The following RASSF8 variants were observed in gnomAD, a reference collection of about 807,000 sequenced individuals.
RASSF8 encodes the protein Ras association domain family member 8.
In RASSF8, 22 loss-of-function variants were observed where a neutral mutation model predicts 48.5. That is an observed-to-expected ratio of 0.45 (90% CI 0.32 to 0.65). The LOEUF (loss-of-function observed/expected upper bound fraction) is 0.65. Among genes scored for constraint, RASSF8 ranks in the 30% least tolerant of loss-of-function variants. The pLI is 0.03. For missense variants in RASSF8, 418 were observed against 489.2 expected (o/e 0.85, Z 1.37); for synonymous variants, 127 against 171.5 (o/e 0.74, Z 2.03).
intron 1 of RASSF8, among the ~76,000 whole-genome samples, chr12:25,990,544 C>T (rs965355629): frequency 1.3e-5 from 2 of 152,156 alleles, no homozygotes; most frequent in Non-Finnish European, 1.5e-5. Context: ...GGATTTATTT[C>T]CATAGAATAT....
At position 26,068,945 on chromosome 12, in the gene RASSF8, T is replaced by C; in HGVS notation, c.*127T>C. On this transcript the variant is annotated 3_prime_UTR_variant, in exon 6 of 6. Transcript: ENST00000689635. ...CGCTGTATGTTTTTTCTCTCCTAAATTGCATACCACTTGGAGCCATACCCT... is the reference window on the plus strand; with the variant it reads ...CGCTGTATGTTTTTTCTCTCCTAAACTGCATACCACTTGGAGCCATACCCT... 6.9e-7 allele frequency: 1 copy of C among 1,441,184 alleles called. No individual in the cohort carries two copies. Among genetic ancestry groups the C allele is most frequent in the Non-Finnish European group, 9.1e-7 (1 of 1,098,576 alleles). 89.3% of individuals were successfully genotyped at this position (1,441,184 alleles called of 1,614,324 possible). A position where few individuals can be genotyped will look rare whatever the true frequency, so the allele number is the denominator to read the frequency against.
rs377669426 is a variant in RASSF8, at chr12:26,058,538, G to GCGCGCA, written c.103+3093_103+3094insGCGCAC. Among the ~76,000 whole-genome samples the GCGCGCA allele has an allele frequency of 2.6e-3, 387 of 149,098 alleles. 3 individuals carry two copies. Among genetic ancestry groups the GCGCGCA allele is most frequent in the African/African-American group, 9.2e-3 (373 of 40,510 alleles). On this transcript the variant is annotated intron_variant, in intron 3 of 5. Coordinates refer to ENST00000689635, the MANE Select transcript of RASSF8 (RefSeq NM_001394098.1). ...ACTACACACATGCGCACGCGCGCGC[G>GCGCGCA]CACACACACACACACACACACACAG...
At chr12:26,035,313 A>G (rs1943109860) in intron 2 of RASSF8, among the ~76,000 whole-genome samples, 1 of 150,918 alleles carries the variant, frequency 6.6e-6, no homozygotes. Context: ...AAACAAAATG[A>G]AAGTGTTTAT....
At chr12:26,059,342 T>C (rs528794144) in intron 3 of RASSF8, among the ~76,000 whole-genome samples, 6 of 152,334 alleles carry the variant, frequency 3.9e-5, no homozygotes, top group Non-Finnish European at 8.8e-5. Flanking sequence ...GAAAGAAATA[T>C]GTACTTTGTC....
chr12:25,969,379 G>A (rs989495432), intron 1 of RASSF8, among the ~76,000 whole-genome samples: 3 of 152,140 alleles, frequency 2.0e-5, no homozygotes, highest in Non-Finnish European at 4.4e-5. Flanking sequence ...TCACAGTGTC[G>A]TAAGGATTAG....
chr12:26,023,435 A>G (rs1395121881), intron 2 of RASSF8, among the ~76,000 whole-genome samples: 2 of 152,216 alleles, frequency 1.3e-5, no homozygotes, highest in African/African-American at 4.8e-5. Context: ...TTAATAGCTG[A>G]CTTCTCATCG....
intron 1 of RASSF8, among the ~76,000 whole-genome samples, chr12:25,964,086 G>A (rs528512967): frequency 6.6e-6 from 1 of 152,156 alleles, no homozygotes; most frequent in Non-Finnish European, 1.5e-5. Context: ...CAGGACATTC[G>A]CATCACGAGT....
intron 3 of RASSF8, among the ~76,000 whole-genome samples, chr12:26,056,906 T>C (rs1943615473): frequency 6.6e-6 from 1 of 152,226 alleles, no homozygotes; most frequent in African/African-American, 2.4e-5. Context: ...CTTCACTTAA[T>C]TTATGTGAAT....
At chr12:26,040,779 A>G (rs1299172905) in intron 2 of RASSF8, among the ~76,000 whole-genome samples, 2 of 152,130 alleles carry the variant, frequency 1.3e-5, no homozygotes, top group African/African-American at 2.4e-5. Flanking sequence ...TGGGCATTGA[A>G]TATATTCATA....
At chr12:26,055,166 T>C (rs929155478) in intron 2 of RASSF8, 70 bp from the exon 3 acceptor site, 1 of 599,376 alleles carries the variant, frequency 1.7e-6, no homozygotes, top group African/African-American at 1.9e-5. Flanking sequence ...TTGTTTTGTG[T>C]AATACTTACA....
At chr12:26,064,278 C>G (rs575038162) in intron 3 of RASSF8, among the ~76,000 whole-genome samples, 3 of 152,170 alleles carry the variant, frequency 2.0e-5, no homozygotes, top group Non-Finnish European at 2.9e-5. Flanking sequence ...CTAAGCAAGC[C>G]TAAAGAGTAT....
intron 2 of RASSF8, among the ~76,000 whole-genome samples, chr12:26,031,107 C>T (rs1276802364): frequency 6.6e-6 from 1 of 152,090 alleles, no homozygotes; most frequent in Non-Finnish European, 1.5e-5. Flanking sequence ...TTACGTAATG[C>T]CTGAGACAAC....
chr12:25,965,363 C>CTT (rs11420016), intron 1 of RASSF8, among the ~76,000 whole-genome samples: 8,142 of 116,800 alleles, frequency 0.07, 442 homozygotes, highest in South Asian at 0.11. Flanking sequence ...TCCCAAATTT[C>CTT]TTTTTTTTTT....
chr12:26,041,094 T>C (rs2669561), intron 2 of RASSF8, among the ~76,000 whole-genome samples: 1 of 151,410 alleles, frequency 6.6e-6, no homozygotes, highest in African/African-American at 2.4e-5. Context: ...GGGTTTCACC[T>C]TGTTAGCCAG....
At chr12:26,002,455 A>AT (rs1942283265) in intron 2 of RASSF8, among the ~76,000 whole-genome samples, 1 of 151,334 alleles carries the variant, frequency 6.6e-6, no homozygotes. Flanking sequence ...ACAAAAAAAA[A>AT]CAAATAGAGT....
chr12:26,030,119 CAA>C (rs1166817316), intron 2 of RASSF8, among the ~76,000 whole-genome samples: 1 of 152,118 alleles, frequency 6.6e-6, no homozygotes, highest in Non-Finnish European at 1.5e-5. Flanking sequence ...TAAATTGTCT[CAA>C]AGTTGATTTC....
At chr12:26,025,014 A>G (rs1180940758) in intron 2 of RASSF8, among the ~76,000 whole-genome samples, 2 of 152,166 alleles carry the variant, frequency 1.3e-5, no homozygotes, top group Non-Finnish European at 2.9e-5. Context: ...CAAAAACTAC[A>G]TGATTATTTC....
At chr12:26,044,081 A>G (rs1943321993) in intron 2 of RASSF8, among the ~76,000 whole-genome samples, 2 of 152,206 alleles carry the variant, frequency 1.3e-5, no homozygotes, top group South Asian at 4.1e-4. Flanking sequence ...GCTAGGCATG[A>G]ACACTGTCCC....
At chr12:26,064,414 A>G (rs914370981) in intron 3 of RASSF8, 84 bp from the exon 4 acceptor site, 27 of 1,329,596 alleles carry the variant, frequency 2.0e-5, no homozygotes, top group Non-Finnish European at 2.7e-5. Flanking sequence ...TCGAAAATAC[A>G]CAATCATCAA....
Sources: allele counts gnomAD v4.1 joint callset (sites outside exome capture counted in the v4.1 genomes callset), GRCh38; gene constraint gnomAD v4.1.1; transcripts MANE v1.5; gene names NCBI Gene and HGNC (gene_info 2026-07-23, HGNC 2026-07-21).